The following MAF variants were observed in gnomAD, a reference collection of about 807,000 sequenced individuals.
MAF encodes the protein transcription factor Maf.
MAF carries 10 observed loss-of-function variants against 22.0 expected under a neutral mutation model. The observed-to-expected ratio is 0.45, with a 90% CI of 0.28 to 0.77. The LOEUF is 0.77. Ranked by LOEUF, MAF falls within the 30% of genes least tolerant of loss-of-function variation. The pLI is 0.12. For synonymous variants in MAF, 337 were observed against 255.8 expected (o/e 1.32, Z -3.03); for missense variants, 544 against 548.4 (o/e 0.99, Z 0.08).
chr16:79,443,194 C>G, the MAF span, among the ~76,000 whole-genome samples: 1 of 152,138 alleles, frequency 6.6e-6, no homozygotes, highest in African/African-American at 2.4e-5. Flanking sequence ...TCCAAGATGA[C>G]CCTGAAGCTG....
chr16:79,430,126 C>G, the MAF span, among the ~76,000 whole-genome samples: 601 of 152,322 alleles, frequency 3.9e-3, 3 homozygotes, highest in African/African-American at 0.014. Flanking sequence ...CCCGCTTCAG[C>G]TCTCCACTCA....
chr16:79,442,582 C>G, the MAF span, among the ~76,000 whole-genome samples: 3 of 151,742 alleles, frequency 2.0e-5, no homozygotes, highest in Non-Finnish European at 4.4e-5. Flanking sequence ...TGCACTGTTG[C>G]CTAGGCTGAC....
At chr16:79,396,739 C>T in the MAF span, among the ~76,000 whole-genome samples, 1 of 152,226 alleles carries the variant, frequency 6.6e-6, no homozygotes, top group African/African-American at 2.4e-5. Flanking sequence ...CACACTGATG[C>T]CTGCCTCCCA....
the MAF span, among the ~76,000 whole-genome samples, chr16:79,455,021 GGGAGGT>G: frequency 6.6e-6 from 1 of 151,594 alleles, no homozygotes; most frequent in East Asian, 1.9e-4. Flanking sequence ...ACTTGGACCC[GGGAGGT>G]GGAGGTTGCT....
chr16:79,473,099 C>G, the MAF span, among the ~76,000 whole-genome samples: 1 of 152,044 alleles, frequency 6.6e-6, no homozygotes, highest in Non-Finnish European at 1.5e-5. Flanking sequence ...ACTGGGGATG[C>G]CTTTTTTGAT....
the MAF span, among the ~76,000 whole-genome samples, chr16:79,517,175 T>G: frequency 1.3e-5 from 2 of 152,174 alleles, no homozygotes; most frequent in Non-Finnish European, 2.9e-5. Flanking sequence ...GTTCTAATCT[T>G]CATTCCTTGG....
the MAF span, among the ~76,000 whole-genome samples, chr16:79,556,604 G>A: frequency 6.6e-6 from 1 of 152,164 alleles, no homozygotes; most frequent in Admixed American, 6.5e-5. Context: ...CAAATTATGG[G>A]GACAAGGGTT....
At chr16:79,475,925 A>G in the MAF span, among the ~76,000 whole-genome samples, 5 of 152,120 alleles carry the variant, frequency 3.3e-5, no homozygotes. Context: ...ATGATGGGAT[A>G]TTATTCCTGT....
chr16:79,301,689 T>G, the MAF span, among the ~76,000 whole-genome samples: 1 of 152,212 alleles, frequency 6.6e-6, no homozygotes. Flanking sequence ...TTACTATATA[T>G]GTTGTACGTG....
the MAF span, among the ~76,000 whole-genome samples, chr16:79,398,893 A>C: frequency 1.2e-4 from 19 of 152,120 alleles, no homozygotes; most frequent in African/African-American, 4.1e-4. Context: ...CAAGGAATAC[A>C]TCCTAGCCCC....
the MAF span, among the ~76,000 whole-genome samples, chr16:79,571,732 G>A: frequency 6.6e-6 from 1 of 152,088 alleles, no homozygotes; most frequent in East Asian, 1.9e-4. Context: ...TCCAGCCTTG[G>A]CATCACCAGC....
At chr16:79,273,487 C>T in the MAF span, among the ~76,000 whole-genome samples, 8 of 152,182 alleles carry the variant, frequency 5.3e-5, no homozygotes. Context: ...AAGTCAGATG[C>T]ACAAATAGGT....
chr16:79,232,717 G>C, the MAF span, among the ~76,000 whole-genome samples: 25 of 152,056 alleles, frequency 1.6e-4, 1 homozygote, highest in Admixed American at 3.3e-4. Context: ...GATCTGTGCA[G>C]CTGAGCCTTC....
chr16:79,515,402 T>C, the MAF span, among the ~76,000 whole-genome samples: 2 of 152,228 alleles, frequency 1.3e-5, no homozygotes, highest in East Asian at 3.8e-4. Context: ...ACAAACATTC[T>C]GTTTTTCACT....
chr16:79,485,621 G>T, the MAF span, among the ~76,000 whole-genome samples: 1 of 152,140 alleles, frequency 6.6e-6, no homozygotes, highest in Admixed American at 6.5e-5. Context: ...AAGTTTATAA[G>T]AAAAAGGTTT....
the MAF span, among the ~76,000 whole-genome samples, chr16:79,209,525 T>C: frequency 6.6e-6 from 1 of 152,146 alleles, no homozygotes; most frequent in Non-Finnish European, 1.5e-5. Flanking sequence ...GGCGGGAGGC[T>C]GGACTTGAAA....
chr16:79,382,994 T>C, the MAF span, among the ~76,000 whole-genome samples: 1 of 152,242 alleles, frequency 6.6e-6, no homozygotes, highest in Non-Finnish European at 1.5e-5. Context: ...CAATATTTAC[T>C]AAGTCTTTAC....
rs1477185072 is a variant in MAF at position 79,598,824 on chromosome 16, C to T, written c.1079G>A (p.Gly360Asp). 1.2e-6 allele frequency: 2 copies of T among 1,613,866 alleles called. No individual in the cohort carries two copies. Among genetic ancestry groups the T allele is most frequent in the Non-Finnish European group, 8.5e-7 (1 of 1,179,996 alleles). Residue 360 changes from glycine to aspartate, a missense_variant, in exon 1 of 2, where the codon GGC (glycine) becomes GAC (aspartate). By Grantham distance (94) the Gly-to-Asp change is moderately conservative. Around this residue, in one of 5 missense-constraint regions of MAF, gnomAD observed 129 missense variants for 113.6 expected, o/e 1.14. Transcript: ENST00000326043. ...AGAGGACGGGTTGTCGCTGCTCGAG[C>T]CGTTTTCTCGGAAGCCGCTGCTCAC... Reference protein sequence around the residue: ...KLVSSGFRENGSSSDNPSSPE... With the variant: ...KLVSSGFRENDSSSDNPSSPE...
chr16:79,445,209 AT>A, the MAF span, among the ~76,000 whole-genome samples: 33,260 of 145,080 alleles, frequency 0.23, 4,693 homozygotes, highest in African/African-American at 0.41. Flanking sequence ...AATTTTTTGT[AT>A]TTTTTTTTTT....
Sources: allele counts gnomAD v4.1 joint callset (sites outside exome capture counted in the v4.1 genomes callset), GRCh38; gene constraint gnomAD v4.1.1; regional missense constraint gnomAD v4.1.1; transcripts MANE v1.5; gene names NCBI Gene and HGNC (gene_info 2026-07-23, HGNC 2026-07-21).